The following HTR1F variants were observed in gnomAD, a reference collection of about 807,000 sequenced individuals.
The protein encoded by HTR1F is 5-hydroxytryptamine receptor 1F, also known as 5-hydroxytryptamine (serotonin) receptor 1F, G protein-coupled.
A neutral mutation model predicts 24.0 loss-of-function variants in HTR1F; 17 were observed. The observed-to-expected ratio is 0.71, with a 90% CI of 0.48 to 1.06. HTR1F has a LOEUF of 1.06. HTR1F is among the 50% of genes least tolerant of loss of function. The pLI is 0.00. For synonymous variants in HTR1F, 186 were observed against 156.8 expected (o/e 1.19, Z -1.39); for missense variants, 391 against 427.8 (o/e 0.91, Z 0.76).
intron 2 of HTR1F, among the ~76,000 whole-genome samples, chr3:87,885,373 G>C (rs180999488): frequency 6.6e-6 from 1 of 152,220 alleles, no homozygotes; most frequent in Admixed American, 6.5e-5. Flanking sequence ...AGCACTAAAT[G>C]CCCACAAGAG....
chr3:87,805,604 G>C (rs1267729125), intron 1 of HTR1F, among the ~76,000 whole-genome samples: 2 of 151,946 alleles, frequency 1.3e-5, no homozygotes, highest in Admixed American at 1.3e-4. Context: ...GCATCTATCA[G>C]CTTGGGTATT....
intron 2 of HTR1F, among the ~76,000 whole-genome samples, chr3:87,931,415 A>C (rs1704268665): frequency 6.6e-6 from 1 of 152,174 alleles, no homozygotes; most frequent in East Asian, 1.9e-4. Flanking sequence ...TCCATGGTGT[A>C]TATGTGCCAC....
At chr3:87,901,040 C>T (rs1706309659) in intron 2 of HTR1F, among the ~76,000 whole-genome samples, 2 of 152,036 alleles carry the variant, frequency 1.3e-5, no homozygotes, top group South Asian at 2.1e-4. Context: ...GACACTCCAC[C>T]AGAAGGAAAG....
intron 2 of HTR1F, among the ~76,000 whole-genome samples, chr3:87,989,467 AACT>A (rs755647835): frequency 1.4e-4 from 22 of 152,198 alleles, no homozygotes; most frequent in Non-Finnish European, 2.4e-4. Context: ...AAACCAAATT[AACT>A]ACTTATATCC....
chr3:87,944,494 G>A (rs1017863832), intron 2 of HTR1F, among the ~76,000 whole-genome samples: 1 of 152,152 alleles, frequency 6.6e-6, no homozygotes, highest in Non-Finnish European at 1.5e-5. Context: ...TCAACCACTT[G>A]GGAGGAACCA....
intron 2 of HTR1F, among the ~76,000 whole-genome samples, chr3:87,924,577 CCT>C (rs1704081924): frequency 6.6e-6 from 1 of 152,202 alleles, no homozygotes; most frequent in African/African-American, 2.4e-5. Context: ...TGACAAATTC[CCT>C]GTTTTTTCTT....
chr3:87,895,767 T>C (rs909741514), intron 2 of HTR1F, among the ~76,000 whole-genome samples: 1 of 152,208 alleles, frequency 6.6e-6, no homozygotes, highest in Non-Finnish European at 1.5e-5. Context: ...CATTTATCAT[T>C]TCTAGAAACT....
chr3:87,969,797 C>A (rs1265851472), intron 2 of HTR1F, among the ~76,000 whole-genome samples: 2 of 152,148 alleles, frequency 1.3e-5, no homozygotes, highest in African/African-American at 4.8e-5. Flanking sequence ...GTGTCCCCAC[C>A]CACATGTCAA....
At chr3:87,931,253 G>A (rs1391347043) in intron 2 of HTR1F, among the ~76,000 whole-genome samples, 2 of 151,332 alleles carry the variant, frequency 1.3e-5, no homozygotes, top group Non-Finnish European at 2.9e-5. Flanking sequence ...CTGTGTCCAT[G>A]TGTTCTCATT....
At chr3:87,935,856 G>A (rs971241202) in intron 2 of HTR1F, among the ~76,000 whole-genome samples, 1 of 149,986 alleles carries the variant, frequency 6.7e-6, no homozygotes, top group Non-Finnish European at 1.5e-5. Context: ...CACATTTTTA[G>A]GATTTTTTTT....
At chr3:87,902,842 T>C (rs1452384873) in intron 2 of HTR1F, among the ~76,000 whole-genome samples, 3 of 148,324 alleles carry the variant, frequency 2.0e-5, no homozygotes, top group Non-Finnish European at 4.4e-5. Context: ...AGTGAGAATA[T>C]GCGGTGTTTG....
intron 2 of HTR1F, among the ~76,000 whole-genome samples, chr3:87,891,042 T>G (rs577958493): frequency 6.6e-6 from 1 of 152,180 alleles, no homozygotes; most frequent in African/African-American, 2.4e-5. Context: ...GGTTTCACCA[T>G]GTTGGCCAGC....
At chr3:87,852,102 C>T (rs1487112854) in intron 2 of HTR1F, among the ~76,000 whole-genome samples, 1 of 151,450 alleles carries the variant, frequency 6.6e-6, no homozygotes, top group African/African-American at 2.4e-5. Context: ...CTTTCATGGG[C>T]ATTTCCCTGA....
chr3:87,880,280 G>A (rs1359710889), intron 2 of HTR1F, among the ~76,000 whole-genome samples: 1 of 152,066 alleles, frequency 6.6e-6, no homozygotes, highest in Non-Finnish European at 1.5e-5. Context: ...TCTTTTAAAA[G>A]TATCAAATTG....
At chr3:87,990,040 A>C (rs1705784084) in intron 2 of HTR1F, among the ~76,000 whole-genome samples, 1 of 152,186 alleles carries the variant, frequency 6.6e-6, no homozygotes, top group Admixed American at 6.5e-5. Context: ...AAATGAGTCT[A>C]GGTGCTGGGG....
At chr3:87,831,063 A>G (rs1449823407) in intron 2 of HTR1F, among the ~76,000 whole-genome samples, 1 of 152,126 alleles carries the variant, frequency 6.6e-6, no homozygotes, top group Non-Finnish European at 1.5e-5. Flanking sequence ...ATGAAAAAAT[A>G]ATCAATGAAT....
Position 87,945,445 on chromosome 3 carries a change from C to T in HTR1F, c.-42-45263C>T, listed in dbSNP as rs180868912. ...TTTGGGGCTACACTTTCAAGAAAGTCGTGTTTGGGACCCAGGAGGTACAGG... is the reference window on the plus strand; with the variant it reads ...TTTGGGGCTACACTTTCAAGAAAGTTGTGTTTGGGACCCAGGAGGTACAGG... On this transcript the variant is annotated intron_variant, in intron 2 of 2. Coordinates refer to ENST00000319595, the MANE Select transcript of HTR1F (RefSeq NM_001322209.2). 1.5e-3 allele frequency among the ~76,000 whole-genome samples: 225 copies of T among 152,234 alleles called. 2 individuals carry two copies. The highest frequency in any genetic ancestry group is 1.9e-3 in the East Asian group (10 of 5,180).
chr3:87,982,047 C>T (rs1576119482), intron 2 of HTR1F, among the ~76,000 whole-genome samples: 4 of 151,972 alleles, frequency 2.6e-5, no homozygotes, highest in South Asian at 2.1e-4. Context: ...CCAAGCTTTC[C>T]GAGTAGCTGG....
At chr3:87,921,625 G>C (rs1395112899) in intron 2 of HTR1F, among the ~76,000 whole-genome samples, 2 of 151,764 alleles carry the variant, frequency 1.3e-5, no homozygotes, top group Non-Finnish European at 2.9e-5. Context: ...TATATAATAA[G>C]TAATTGTTAA....
Sources: allele counts gnomAD v4.1 joint callset (sites outside exome capture counted in the v4.1 genomes callset), GRCh38; gene constraint gnomAD v4.1.1; transcripts MANE v1.5; gene names NCBI Gene and HGNC (gene_info 2026-07-23, HGNC 2026-07-21).